TBX10: variants seen among roughly 807,000 people sequenced by gnomAD.
TBX10 encodes the protein T-box transcription factor TBX10.
TBX10 carries 26 observed loss-of-function variants against 32.4 expected under a neutral mutation model. The observed-to-expected ratio is 0.80, with a 90% CI of 0.59 to 1.11. The LOEUF is 1.11. Ranked by LOEUF, TBX10 falls within the 50% of genes most tolerant of loss-of-function variation. The pLI, the probability that TBX10 is intolerant of heterozygous loss-of-function variation, is 0.00. For synonymous variants in TBX10, 195 were observed against 203.1 expected (o/e 0.96, Z 0.34); for missense variants, 490 against 494.5 (o/e 0.99, Z 0.09).
At chr11:67,637,457 A>T (rs747011886) in intron 1 of TBX10, among the ~76,000 whole-genome samples, 1 of 152,134 alleles carries the variant, frequency 6.6e-6, no homozygotes, top group African/African-American at 2.4e-5. Flanking sequence ...TGACGTGTCC[A>T]CCCTACTGCT....
Position 67,634,324 on chromosome 11 carries a change from G to C in TBX10, c.414C>G (p.Gly138=), listed in dbSNP as rs1565234097. Residue 138 remains glycine (G), a synonymous_variant, in exon 4 of 8, where the codon GGC becomes GGG. Coordinates refer to ENST00000335385, the MANE Select transcript of TBX10 (RefSeq NM_005995.5). ...GGCCAGGTGTGGCTGGGTCTGCCTT[G>C]CCCGCCACCAGCCAGGCCGAGCTGT... The part of the protein sequence containing the change: ...AFHSSAWLVA[G]KADPATPGRV... 1.2e-6 allele frequency: 2 copies of C among 1,607,294 alleles called. No homozygotes were observed. The highest frequency in any genetic ancestry group is 2.7e-5 in the African/African-American group (2 of 75,062).
chr11:67,632,745 G>A, intron 5 of TBX10, 75 bp from the exon 6 acceptor site: 1 of 1,590,144 alleles, frequency 6.3e-7, no homozygotes, highest in South Asian at 1.1e-5. Flanking sequence ...GGAACCGGCA[G>A]TCAGGAGGCC....
intron 1 of TBX10, among the ~76,000 whole-genome samples, chr11:67,635,588 C>T (rs1017100899): frequency 3.9e-5 from 6 of 152,034 alleles, no homozygotes; most frequent in Admixed American, 3.3e-4. Context: ...GCTCTTAATA[C>T]CTGCCTCACA....
At chr11:67,632,542 C>T (rs1299388737) in intron 6 of TBX10, 61 bp downstream of exon 6, 3 of 1,600,992 alleles carry the variant, frequency 1.9e-6, no homozygotes, top group Non-Finnish European at 2.6e-6. Context: ...GGGTCAGGAA[C>T]TGAGGCCTTA....
intron 1 of TBX10, among the ~76,000 whole-genome samples, 173 bp from the exon 2 acceptor site, chr11:67,635,436 T>C (rs1317934): frequency 0.19 from 28,393 of 152,186 alleles, 3,976 homozygotes; most frequent in African/African-American, 0.4. Context: ...CACTTAAAGT[T>C]TATTTTGCCA....
chr11:67,635,678 A>G (rs925784575), intron 1 of TBX10, among the ~76,000 whole-genome samples: 5 of 121,272 alleles, frequency 4.1e-5, no homozygotes, highest in Non-Finnish European at 8.1e-5. Flanking sequence ...GTTCTAGATG[A>G]TATGTGTGTG....
rs114440123 is a variant in TBX10, at chr11:67,634,085, A to G, written c.549+104T>C. On this transcript the variant is annotated intron_variant, in intron 4 of 7. Transcript: ENST00000335385. ...CCCGGCTCCCCGCCCTGCCTTGACC[A>G]TCAGCAGCAGGCAGAGGTGCTGGGC... 3.6e-3 allele frequency: 5,441 copies of G among 1,500,362 alleles called. 152 individuals are homozygous for G. In the African/African-American group the frequency reaches 0.068, roughly 19 times the overall value. 92.9% of individuals were successfully genotyped at this position (1,500,362 alleles called of 1,614,324 possible).
chr11:67,639,614 G>A lies in TBX10; in HGVS notation c.-142C>T, dbSNP rs555706712. The A allele has an allele frequency of 1.4e-5, 16 of 1,125,254 alleles. No individual in the cohort carries two copies. Among genetic ancestry groups the A allele is most frequent in the South Asian group, 1.3e-4 (10 of 76,310 alleles). The allele number at this position is 1,125,254 out of a possible 1,614,324, so 69.7% of individuals were successfully genotyped here. On this transcript the variant is annotated 5_prime_UTR_variant, in exon 1 of 8. Coordinates refer to ENST00000335385, the MANE Select transcript of TBX10 (RefSeq NM_005995.5). Reference sequence around the variant, plus strand: ...GTGCTCACACAAGCTGTAGTCTCTCGGCAGGACGGTCCTTGCCTCCTCGAT... The same window carrying A: ...GTGCTCACACAAGCTGTAGTCTCTCAGCAGGACGGTCCTTGCCTCCTCGAT...
intron 1 of TBX10, 73 bp downstream of exon 1, chr11:67,639,393 T>TTACCCCCCCCCCCCCCCCCCC: frequency 1.4e-6 from 1 of 726,926 alleles, no homozygotes; most frequent in Non-Finnish European, 2.5e-6. Context: ...CTGTCTTGGT[T>TTACCCCCCCCCCCCCCCCCCC]CCCACCCTGC....
In TBX10 at chr11:67,635,269, G is replaced by A. The variant is rs371814878; in HGVS notation, c.8-6C>T. 3.3e-5 allele frequency: 54 copies of A among 1,613,064 alleles called. No individual in the cohort carries two copies. The highest frequency in any genetic ancestry group is 4.4e-5 in the Non-Finnish European group (52 of 1,180,016). On this transcript the variant is annotated splice_polypyrimidine_tract_variant and splice_region_variant and intron_variant, in intron 1 of 7. Coordinates refer to ENST00000335385, the MANE Select transcript of TBX10 (RefSeq NM_005995.5). ...GAGGCCAGCAGATAGGAAGGCTGTG[G>A]AGAGAGGACGGAAGTGTGGGCCCCA...
chr11:67,638,210 A>AAAATAAATAAAT lies in TBX10; in HGVS notation c.7+1244_7+1255dup, dbSNP rs3029208. Among the ~76,000 whole-genome samples the AAAATAAATAAAT allele has an allele frequency of 5.9e-3, 881 of 149,788 alleles. 8 individuals carry two copies. Among genetic ancestry groups the AAAATAAATAAAT allele is most frequent in the African/African-American group, 0.02 (819 of 40,526 alleles). ...GTGACAGAGTGAGACTCTGTCTCAA[A>AAAATAAATAAAT]AAATAAATAAATAAATAAATAAATA... On this transcript the variant is annotated intron_variant, in intron 1 of 7. Coordinates refer to ENST00000335385, the MANE Select transcript of TBX10 (RefSeq NM_005995.5).
At chr11:67,633,917 C>A (rs1855279139) in intron 4 of TBX10, among the ~76,000 whole-genome samples, 1 of 152,198 alleles carries the variant, frequency 6.6e-6, no homozygotes, top group Non-Finnish European at 1.5e-5. Context: ...CGGGCCCGGC[C>A]TAGGCTGGGC....
chr11:67,638,556 C>G (rs1021012469), intron 1 of TBX10, among the ~76,000 whole-genome samples: 6 of 152,166 alleles, frequency 3.9e-5, no homozygotes, highest in African/African-American at 1.4e-4. Flanking sequence ...CGGAGGCCCC[C>G]AGGTGGCATA....
chr11:67,632,265 C>T lies in TBX10; in HGVS notation c.868+53G>A, dbSNP rs898168424. On this transcript the variant is annotated intron_variant, in intron 7 of 7. Transcript: ENST00000335385. ...CCTGGAGGTCCTGTCCCTTTGCCTT[C>T]CGCCCACTGTGTACACCTTAGTCCC... 6.9e-6 allele frequency: 11 copies of T among 1,604,098 alleles called. No individual in the cohort carries two copies. The Admixed American group carries it at 1.7e-4, about 24-fold the overall frequency.
chr11:67,641,337 A>G (rs1855403033), upstream of TBX10, among the ~76,000 whole-genome samples: 1 of 152,204 alleles, frequency 6.6e-6, no homozygotes, highest in African/African-American at 2.4e-5. Flanking sequence ...AGACACACGG[A>G]TGAACTCAGA....
Position 67,632,931 on chromosome 11 carries a change from C to A in TBX10, c.705+17G>T, listed in dbSNP as rs755989617. Reference sequence around the variant, plus strand: ...GAAATGGGCCTGCAGCGGGTGCTCCCGAGCTGGTTCACCCACCCTGTGGTT... The same window carrying A: ...GAAATGGGCCTGCAGCGGGTGCTCCAGAGCTGGTTCACCCACCCTGTGGTT... On this transcript the variant is annotated intron_variant, in intron 5 of 7. Coordinates refer to ENST00000335385, the MANE Select transcript of TBX10 (RefSeq NM_005995.5). 17 of 1,614,170 alleles carry A rather than the reference C, an allele frequency of 1.1e-5. No individual in the cohort carries two copies. Among genetic ancestry groups the A allele is most frequent in the Non-Finnish European group, 1.4e-5 (16 of 1,180,008 alleles).
At chr11:67,641,226 C>G (rs758574853), upstream of TBX10, among the ~76,000 whole-genome samples, 10 of 151,854 alleles carry the variant, frequency 6.6e-5, no homozygotes, top group Non-Finnish European at 1.2e-4. Context: ...TGTAGTGGCC[C>G]CTGATACGTG....
chr11:67,637,192 A>G (rs80353392), intron 1 of TBX10, among the ~76,000 whole-genome samples: 1,816 of 152,282 alleles, frequency 0.012, 40 homozygotes, highest in African/African-American at 0.042. Context: ...GAGGAGATGG[A>G]GAGTTGTTGT....
At chr11:67,640,576 T>G (rs991689514), upstream of TBX10, among the ~76,000 whole-genome samples, 2 of 152,220 alleles carry the variant, frequency 1.3e-5, no homozygotes, top group Non-Finnish European at 2.9e-5. Context: ...AGGGGACACA[T>G]GGATCACTCT....
Sources: gnomAD v4.1 joint callset for allele counts (sites outside exome capture counted in the v4.1 genomes callset) on GRCh38, gnomAD v4.1.1 for gene constraint, MANE v1.5 for transcripts, NCBI Gene and HGNC (gene_info 2026-07-23, HGNC 2026-07-21) for gene names.